The following HS6ST3 variants were observed in gnomAD, a reference collection of about 807,000 sequenced individuals.
HS6ST3 encodes the protein heparan sulfate 6-O-sulfotransferase 3.
HS6ST3 carries 12 observed loss-of-function variants against 36.7 expected under a neutral mutation model. That is an observed-to-expected ratio of 0.33 (90% CI 0.21 to 0.53). The LOEUF is 0.53. Among genes scored for constraint, HS6ST3 ranks in the 20% least tolerant of loss-of-function variants. The pLI is 0.95. For missense variants in HS6ST3, 584 were observed against 640.9 expected (o/e 0.91, Z 0.96); for synonymous variants, 240 against 257.5 (o/e 0.93, Z 0.65).
At chr13:96,375,879 C>G (rs1263842836) in intron 1 of HS6ST3, among the ~76,000 whole-genome samples, 2 of 152,196 alleles carry the variant, frequency 1.3e-5, no homozygotes, top group Admixed American at 1.3e-4. Context: ...AAAAGCTTCT[C>G]TCTGTGTATA....
At chr13:96,556,613 T>C (rs569217644) in intron 1 of HS6ST3, among the ~76,000 whole-genome samples, 84 of 152,244 alleles carry the variant, frequency 5.5e-4, no homozygotes, top group African/African-American at 2.0e-3. Context: ...GAAATCCTGT[T>C]TGGATGTACT....
chr13:96,812,968 G>A (rs1344083209), intron 1 of HS6ST3, among the ~76,000 whole-genome samples: 2 of 152,180 alleles, frequency 1.3e-5, no homozygotes. Context: ...TCTGAGGACA[G>A]AGACTTGGGA....
At chr13:96,630,055 T>TAA (rs1315585094) in intron 1 of HS6ST3, among the ~76,000 whole-genome samples, 1 of 152,234 alleles carries the variant, frequency 6.6e-6, no homozygotes, top group African/African-American at 2.4e-5. Flanking sequence ...AAATGTTATT[T>TAA]AAAAACTTTT....
At chr13:96,247,684 C>T (rs2054590806) in intron 1 of HS6ST3, among the ~76,000 whole-genome samples, 2 of 152,128 alleles carry the variant, frequency 1.3e-5, no homozygotes, top group South Asian at 2.1e-4. Flanking sequence ...TCCTTTCTCT[C>T]TCTCTGGCTT....
At chr13:96,565,815 C>G (rs964278762) in intron 1 of HS6ST3, among the ~76,000 whole-genome samples, 2 of 152,098 alleles carry the variant, frequency 1.3e-5, no homozygotes, top group African/African-American at 4.8e-5. Flanking sequence ...CCCCCTACCC[C>G]AGTAAACTTT....
intron 1 of HS6ST3, among the ~76,000 whole-genome samples, chr13:96,291,238 G>A (rs1036895938): frequency 2.0e-5 from 3 of 152,106 alleles, no homozygotes; most frequent in African/African-American, 4.8e-5. Flanking sequence ...GCCTCATATA[G>A]TCTCTGGCAT....
At chr13:96,551,427 A>G (rs1427624842) in intron 1 of HS6ST3, among the ~76,000 whole-genome samples, 2 of 152,178 alleles carry the variant, frequency 1.3e-5, no homozygotes, top group African/African-American at 4.8e-5. Flanking sequence ...TATTCATTCA[A>G]CAAGTTTTTA....
At chr13:96,390,812 T>C (rs2055391637) in intron 1 of HS6ST3, among the ~76,000 whole-genome samples, 1 of 152,182 alleles carries the variant, frequency 6.6e-6, no homozygotes, top group African/African-American at 2.4e-5. Flanking sequence ...CTGCAGCCTC[T>C]TAATTGACCA....
intron 1 of HS6ST3, among the ~76,000 whole-genome samples, chr13:96,175,260 A>G (rs1376563217): frequency 6.6e-6 from 1 of 152,168 alleles, no homozygotes; most frequent in Non-Finnish European, 1.5e-5. Flanking sequence ...GTGGAAATGC[A>G]GAGGCTTGAA....
At chr13:96,772,861 G>T (rs955575719) in intron 1 of HS6ST3, among the ~76,000 whole-genome samples, 1 of 152,130 alleles carries the variant, frequency 6.6e-6, no homozygotes, top group African/African-American at 2.4e-5. Context: ...AATTTTCTTT[G>T]TTGAAATTCC....
chr13:96,507,123 C>T (rs1025166094), intron 1 of HS6ST3, among the ~76,000 whole-genome samples: 1 of 152,094 alleles, frequency 6.6e-6, no homozygotes, highest in Non-Finnish European at 1.5e-5. Context: ...TTACTATTTC[C>T]GTGTGGGAAT....
At chr13:96,606,880 G>C (rs1322050851) in intron 1 of HS6ST3, among the ~76,000 whole-genome samples, 2 of 151,992 alleles carry the variant, frequency 1.3e-5, no homozygotes. Flanking sequence ...AAAAGAAATA[G>C]AACATGAAAT....
chr13:96,518,555 T>A (rs2056081597), intron 1 of HS6ST3, among the ~76,000 whole-genome samples: 5 of 152,154 alleles, frequency 3.3e-5, no homozygotes, highest in Admixed American at 3.3e-4. Flanking sequence ...TTCTGTCTTA[T>A]TATTTGTTTG....
At chr13:96,377,064 T>A (rs1454787911) in intron 1 of HS6ST3, among the ~76,000 whole-genome samples, 4 of 147,620 alleles carry the variant, frequency 2.7e-5, no homozygotes, top group Non-Finnish European at 6.0e-5. Flanking sequence ...AATATATATT[T>A]TATATATATA....
intron 1 of HS6ST3, among the ~76,000 whole-genome samples, chr13:96,799,984 A>ATATATATATACG: frequency 1.1e-5 from 1 of 92,430 alleles, no homozygotes; most frequent in East Asian, 3.7e-4. Context: ...ATATATATGT[A>ATATATATATACG]TATATATATA....
chr13:96,715,336 T>A (rs1275380901), intron 1 of HS6ST3, among the ~76,000 whole-genome samples: 1 of 152,110 alleles, frequency 6.6e-6, no homozygotes, highest in African/African-American at 2.4e-5. Context: ...GGTGGGTAGA[T>A]GATGGATTAG....
chr13:96,758,613 A>G (rs1331670530), intron 1 of HS6ST3, among the ~76,000 whole-genome samples: 14 of 151,714 alleles, frequency 9.2e-5, no homozygotes, highest in Non-Finnish European at 4.4e-5. Flanking sequence ...CTTTCTTTGT[A>G]TTTTTCTTGA....
At chr13:96,799,988 ATATATATATGTATATATATATATATG>A (rs1207492400) in intron 1 of HS6ST3, among the ~76,000 whole-genome samples, 115 of 124,428 alleles carry the variant, frequency 9.2e-4, no homozygotes, top group Middle Eastern at 7.6e-3. Flanking sequence ...ATATGTATAT[ATATATATATGTATATATATATATATG>A]TATATATATA....
rs367777548 is a variant in HS6ST3, at chr13:96,473,593, A to C, written c.708-358897A>C. On this transcript the variant is annotated intron_variant, in intron 1 of 1. Coordinates refer to ENST00000376705, the MANE Select transcript of HS6ST3 (RefSeq NM_153456.4). ...TCTTGTCTCCAGCTGCTCAGGCGGCAGCTAGGTCTACAGAGGCGGCGTCCA... is the reference window on the plus strand; with the variant it reads ...TCTTGTCTCCAGCTGCTCAGGCGGCCGCTAGGTCTACAGAGGCGGCGTCCA... Among the ~76,000 whole-genome samples, 7 of 152,318 alleles carry C rather than the reference A, an allele frequency of 4.6e-5. No homozygotes were observed. The South Asian group carries it at 1.5e-3, about 32-fold the overall frequency.
Sources: gnomAD v4.1 joint callset for allele counts (sites outside exome capture counted in the v4.1 genomes callset) on GRCh38, gnomAD v4.1.1 for gene constraint, MANE v1.5 for transcripts, NCBI Gene and HGNC (gene_info 2026-07-23, HGNC 2026-07-21) for gene names.